METTL16: variants seen among roughly 807,000 people sequenced by gnomAD.
The protein encoded by METTL16 is methyltransferase 16, RNA N6-adenosine.
METTL16 carries 19 observed loss-of-function variants against 57.9 expected under a neutral mutation model. The ratio of observed to expected loss-of-function variants is 0.33; its 90% CI spans 0.23 to 0.48. METTL16 has a LOEUF of 0.48. Ranked by LOEUF, METTL16 falls within the 20% of genes least tolerant of loss-of-function variation. The pLI, the probability that METTL16 is intolerant of heterozygous loss-of-function variation, is 0.99. For missense variants in METTL16, 434 were observed against 691.5 expected (o/e 0.63, Z 4.18); for synonymous variants, 246 against 255.6 (o/e 0.96, Z 0.36).
In METTL16 at chr17:2,487,003, C is replaced by CCA. The variant is rs777261459; in HGVS notation, c.129-9119_129-9118insTG. 2.4e-3 allele frequency among the ~76,000 whole-genome samples: 137 copies of CCA among 57,422 alleles called. 1 individual carries two copies. Among genetic ancestry groups the CCA allele is most frequent in the Non-Finnish European group, 3.3e-3 (114 of 34,156 alleles). The allele number at this position is 57,422 out of a possible 152,430, so 37.7% of individuals were successfully genotyped here. A position where few individuals can be genotyped will look rare whatever the true frequency, so the allele number is the denominator to read the frequency against. On this transcript the variant is annotated intron_variant, in intron 2 of 9. Coordinates refer to ENST00000263092, the MANE Select transcript of METTL16 (RefSeq NM_024086.4). Reference sequence around the variant, plus strand: ...TGGGCAACAGAGTGAGATCCTGTCTCAAAAAAAAAAAAAAAAAAAAAAAGG... The same window carrying CCA: ...TGGGCAACAGAGTGAGATCCTGTCTCCAAAAAAAAAAAAAAAAAAAAAAAAGG...
intron 1 of METTL16, among the ~76,000 whole-genome samples, chr17:2,506,411 G>A (rs551083322): frequency 0.021 from 3,203 of 151,824 alleles, 116 homozygotes; most frequent in African/African-American, 0.074. Flanking sequence ...TCAGCCTGCC[G>A]AGTGCCTGCG....
At chr17:2,473,388 C>T (rs2067247754) in intron 4 of METTL16, 136 bp downstream of exon 4, 1 of 863,798 alleles carries the variant, frequency 1.2e-6, no homozygotes, top group East Asian at 2.7e-5. Context: ...ATCAAGACAG[C>T]AAACCCAATT....
intron 4 of METTL16, among the ~76,000 whole-genome samples, chr17:2,473,094 G>A (rs1414465913): frequency 6.6e-6 from 1 of 152,118 alleles, no homozygotes; most frequent in Non-Finnish European, 1.5e-5. Flanking sequence ...GTGTGTGGGG[G>A]CAGGGATATA....
chr17:2,505,965 T>C (rs982057573), intron 1 of METTL16, among the ~76,000 whole-genome samples: 3 of 150,110 alleles, frequency 2.0e-5, no homozygotes, highest in South Asian at 2.2e-4. Flanking sequence ...AGGACCTTTA[T>C]GCAGGCTATT....
chr17:2,454,802 G>A lies in METTL16; in HGVS notation c.728+9406C>T, dbSNP rs1171941354. On this transcript the variant is annotated intron_variant, in intron 6 of 9. Coordinates refer to ENST00000263092, the MANE Select transcript of METTL16 (RefSeq NM_024086.4). ...TGATCTTGAACTCCCGACCTCTGGT[G>A]ATCTGCCCACCTTGGCCTCCCAAAG... Among the ~76,000 whole-genome samples the A allele has an allele frequency of 2.6e-5, 4 of 152,086 alleles. No homozygotes were observed. In the South Asian group the frequency reaches 8.3e-4, roughly 32 times the overall value.
intron 2 of METTL16, among the ~76,000 whole-genome samples, chr17:2,478,149 CTCG>C (rs1458900049): frequency 6.6e-6 from 1 of 152,218 alleles, no homozygotes; most frequent in Non-Finnish European, 1.5e-5. Flanking sequence ...AAATTCCTGT[CTCG>C]TCGTCTCCTC....
intron 6 of METTL16, among the ~76,000 whole-genome samples, chr17:2,450,649 G>A (rs187710277): frequency 3.5e-4 from 53 of 152,160 alleles, no homozygotes; most frequent in Middle Eastern, 3.4e-3. Flanking sequence ...ATATCGTAAC[G>A]TTTTACATGT....
chr17:2,433,271 A>G (rs150770494), intron 8 of METTL16, among the ~76,000 whole-genome samples: 2 of 152,338 alleles, frequency 1.3e-5, no homozygotes, highest in East Asian at 3.9e-4. Flanking sequence ...CTTCGGCACC[A>G]TGGGAAGGCT....
chr17:2,422,878 G>A (rs1480846949), intron 8 of METTL16, among the ~76,000 whole-genome samples: 1 of 152,122 alleles, frequency 6.6e-6, no homozygotes, highest in African/African-American at 2.4e-5. Context: ...AGCTACTCGG[G>A]AGGCTGAGGC....
intron 2 of METTL16, among the ~76,000 whole-genome samples, chr17:2,493,685 C>T (rs2067418781): frequency 6.7e-6 from 1 of 148,282 alleles, no homozygotes; most frequent in Non-Finnish European, 1.5e-5. Flanking sequence ...GGCCACTGCA[C>T]TCCAGTCTGG....
intron 6 of METTL16, among the ~76,000 whole-genome samples, chr17:2,455,744 C>G (rs1393444835): frequency 6.6e-6 from 1 of 152,130 alleles, no homozygotes; most frequent in Admixed American, 6.6e-5. Flanking sequence ...CTCTAGGAAG[C>G]CAAGGTGGGG....
intron 6 of METTL16, among the ~76,000 whole-genome samples, chr17:2,459,449 C>G (rs547863589): frequency 6.6e-6 from 1 of 152,174 alleles, no homozygotes; most frequent in Non-Finnish European, 1.5e-5. Context: ...CCAGGGGAGG[C>G]GAGGCATCAC....
intron 4 of METTL16, among the ~76,000 whole-genome samples, chr17:2,470,340 T>C (rs1309269072): frequency 6.6e-6 from 1 of 151,448 alleles, no homozygotes; most frequent in Non-Finnish European, 1.5e-5. Context: ...TGGTATTAAA[T>C]AGACCAATAA....
At chr17:2,493,125 T>G (rs1054832758) in intron 2 of METTL16, among the ~76,000 whole-genome samples, 2 of 141,738 alleles carry the variant, frequency 1.4e-5, no homozygotes, top group African/African-American at 2.6e-5. Flanking sequence ...TTTTGGTGAT[T>G]CTTCTTTTTT....
chr17:2,425,558 G>A (rs572364374), intron 8 of METTL16, among the ~76,000 whole-genome samples: 1 of 152,080 alleles, frequency 6.6e-6, no homozygotes, highest in Non-Finnish European at 1.5e-5. Flanking sequence ...AATAAGAGAG[G>A]AACTGCAAGC....
chr17:2,511,214 T>G (rs2067584681), intron 1 of METTL16, among the ~76,000 whole-genome samples: 1 of 47,648 alleles, frequency 2.1e-5, no homozygotes, highest in Non-Finnish European at 6.8e-5. Flanking sequence ...GAATGAGGCT[T>G]TCCCTTTTTT....
chr17:2,486,894 G>A (rs889385970), intron 2 of METTL16, among the ~76,000 whole-genome samples: 5 of 151,142 alleles, frequency 3.3e-5, no homozygotes, highest in African/African-American at 1.2e-4. Context: ...GTGGGAGTAG[G>A]GCGCGGTACT....
chr17:2,507,363 C>A (rs530617515), intron 1 of METTL16, among the ~76,000 whole-genome samples: 100 of 149,076 alleles, frequency 6.7e-4, no homozygotes, highest in Admixed American at 3.3e-3. Flanking sequence ...GCCACCCCGT[C>A]CGGGAGGGAG....
Position 2,420,928 on chromosome 17 carries a change from AAAGAG to A in METTL16, c.889-29_889-25del. 1 of 1,603,292 alleles carries A rather than the reference AAAGAG, an allele frequency of 6.2e-7. No individual in the cohort carries two copies. Among genetic ancestry groups the A allele is most frequent in the African/African-American group, 1.3e-5 (1 of 74,118 alleles). On this transcript the variant is annotated intron_variant, in intron 8 of 9. Coordinates refer to ENST00000263092, the MANE Select transcript of METTL16 (RefSeq NM_024086.4). The surrounding 1 kb of genome is among the most constrained non-coding windows in gnomAD (Gnocchi z 5.4). The stretch of plus-strand genomic sequence containing the variant: ...GACTGCAAGAAAAAGGAAGCATAGA[AAAGAG>A]AAGAAAGTTATCCGAATAATTAAAC...
Sources: gnomAD v4.1 joint callset for allele counts (sites outside exome capture counted in the v4.1 genomes callset) on GRCh38, gnomAD v4.1.1 for gene constraint, Gnocchi (gnomAD v3.1) non-coding constraint, MANE v1.5 for transcripts, NCBI Gene and HGNC (gene_info 2026-07-23, HGNC 2026-07-21) for gene names.